Variants in DSCAM observed in about 807,000 individuals in gnomAD.
DSCAM encodes DS cell adhesion molecule.
DSCAM carries 47 observed loss-of-function variants against 217.7 expected under a neutral mutation model. That is an observed-to-expected ratio of 0.22 (90% CI 0.17 to 0.28). The LOEUF (loss-of-function observed/expected upper bound fraction) is 0.28. Ranked by LOEUF, DSCAM falls within the 10% of genes least tolerant of loss-of-function variation. The pLI, the probability that DSCAM is intolerant of heterozygous loss-of-function variation, is 1.00. For synonymous variants in DSCAM, 1,056 were observed against 1,015.3 expected (o/e 1.04, Z -0.76); for missense variants, 2,080 against 2,618.3 (o/e 0.79, Z 4.49).
intron 2 of DSCAM, among the ~76,000 whole-genome samples, chr21:40,706,121 A>C (rs1041024938): frequency 8.6e-5 from 13 of 150,614 alleles, no homozygotes; most frequent in Non-Finnish European, 1.9e-4. Context: ...TGGAGCTTGC[A>C]GTGAGCCGAG....
chr21:40,436,180 A>C (rs890177738), intron 3 of DSCAM, among the ~76,000 whole-genome samples: 5 of 152,242 alleles, frequency 3.3e-5, no homozygotes, highest in African/African-American at 1.2e-4. Flanking sequence ...TGTACTGTGG[A>C]ATATTTTTAA....
chr21:40,704,550 C>A lies in DSCAM; in HGVS notation c.361+3904G>T, dbSNP rs371478350. ...GGTAACATAGTGAGAATACCCTCTACAAAATTTTTTTTTTTAAAGAATTAG... is the reference window on the plus strand; with the variant it reads ...GGTAACATAGTGAGAATACCCTCTAAAAAATTTTTTTTTTTAAAGAATTAG... On this transcript the variant is annotated intron_variant, in intron 2 of 32. Coordinates refer to ENST00000400454, the MANE Select transcript of DSCAM (RefSeq NM_001389.5). Among the ~76,000 whole-genome samples the A allele has an allele frequency of 5.2e-4, 79 of 151,008 alleles. No homozygotes were observed. The East Asian group carries it at 0.01, about 19-fold the overall frequency.
chr21:40,454,911 T>C (rs1235548251), intron 3 of DSCAM, among the ~76,000 whole-genome samples: 2 of 151,998 alleles, frequency 1.3e-5, no homozygotes, highest in Non-Finnish European at 2.9e-5. Context: ...GAGGCAGAGG[T>C]CCTCAGAATC....
chr21:40,639,745 C>A lies in DSCAM; in HGVS notation c.508+53065G>T, dbSNP rs2089854963. Among the ~76,000 whole-genome samples the A allele has an allele frequency of 2.6e-5, 4 of 151,832 alleles. No individual in the cohort carries two copies. In the South Asian group the frequency reaches 8.3e-4, roughly 32 times the overall value. ...CTAGGCTGTGGTTCCAAATTCTAAA[C>A]CCTTAAAGTTACAGCCCCAGGAGAA... On this transcript the variant is annotated intron_variant, in intron 3 of 32. Coordinates refer to ENST00000400454, the MANE Select transcript of DSCAM (RefSeq NM_001389.5).
intron 5 of DSCAM, among the ~76,000 whole-genome samples, chr21:40,351,628 A>G (rs1461373833): frequency 2.6e-5 from 4 of 152,196 alleles, no homozygotes; most frequent in Non-Finnish European, 5.9e-5. Context: ...AGAGATAGGA[A>G]CGAAGAAGCT....
At chr21:40,178,813 T>G in intron 15 of DSCAM, 114 bp downstream of exon 15, 1 of 1,327,468 alleles carries the variant, frequency 7.5e-7, no homozygotes, top group Admixed American at 2.0e-5. Flanking sequence ...AGAGCACGCA[T>G]CAAAGACCTC....
chr21:40,063,442 C>G (rs907997699), intron 27 of DSCAM, among the ~76,000 whole-genome samples: 1 of 151,268 alleles, frequency 6.6e-6, no homozygotes, highest in Non-Finnish European at 1.5e-5. Context: ...TTACCAAGAC[C>G]GGGTTACCAC....
intron 3 of DSCAM, among the ~76,000 whole-genome samples, chr21:40,433,816 G>T (rs1001499702): frequency 2.0e-5 from 3 of 152,152 alleles, no homozygotes; most frequent in Non-Finnish European, 4.4e-5. Flanking sequence ...GTCACCTGAG[G>T]TGATGACATC....
At chr21:40,092,616 G>T (rs1269105193) in intron 21 of DSCAM, among the ~76,000 whole-genome samples, 1 of 152,216 alleles carries the variant, frequency 6.6e-6, no homozygotes, top group African/African-American at 2.4e-5. Flanking sequence ...AGGAAAGGAA[G>T]AAACATTATT....
chr21:40,126,883 G>A (rs1048226836), intron 19 of DSCAM, among the ~76,000 whole-genome samples: 7 of 152,122 alleles, frequency 4.6e-5, no homozygotes, highest in African/African-American at 1.4e-4. Flanking sequence ...TGAAGAACAC[G>A]GCATTTTGGA....
chr21:40,458,907 A>G (rs1023444909), intron 3 of DSCAM, among the ~76,000 whole-genome samples: 3 of 152,114 alleles, frequency 2.0e-5, no homozygotes. Flanking sequence ...AAGGAAACCA[A>G]AACGGTGACT....
intron 3 of DSCAM, among the ~76,000 whole-genome samples, chr21:40,388,355 T>C (rs752480517): frequency 6.6e-6 from 1 of 152,056 alleles, no homozygotes; most frequent in Non-Finnish European, 1.5e-5. Flanking sequence ...TGGAAGACAA[T>C]TGCATTTCAG....
chr21:40,650,604 C>T (rs2090000704), intron 3 of DSCAM, among the ~76,000 whole-genome samples: 1 of 146,742 alleles, frequency 6.8e-6, no homozygotes, highest in South Asian at 2.2e-4. Context: ...TGAGCTGGGA[C>T]ATCTGTCTTC....
intron 1 of DSCAM, among the ~76,000 whole-genome samples, chr21:40,720,995 G>T (rs1159038593): frequency 6.6e-6 from 1 of 152,130 alleles, no homozygotes; most frequent in Non-Finnish European, 1.5e-5. Flanking sequence ...GAAAGAAGTG[G>T]GTGAAAATCT....
At chr21:40,145,860 A>G (rs1601381909) in intron 16 of DSCAM, among the ~76,000 whole-genome samples, 1 of 148,526 alleles carries the variant, frequency 6.7e-6, no homozygotes, top group Non-Finnish European at 1.5e-5. Context: ...GTAAAAAAAG[A>G]TATGCGAATG....
chr21:40,720,074 A>G (rs982659196), intron 1 of DSCAM, among the ~76,000 whole-genome samples: 9 of 152,372 alleles, frequency 5.9e-5, no homozygotes, highest in African/African-American at 1.9e-4. Context: ...AACACTGTCA[A>G]TTGCTTCAGA....
At chr21:40,318,692 G>A (rs1476109902) in intron 8 of DSCAM, among the ~76,000 whole-genome samples, 1 of 152,228 alleles carries the variant, frequency 6.6e-6, no homozygotes, top group Non-Finnish European at 1.5e-5. Flanking sequence ...TTAGCAGGAA[G>A]GGCAGGAGGC....
At chr21:40,318,665 C>T (rs758589628) in intron 8 of DSCAM, among the ~76,000 whole-genome samples, 89 of 152,280 alleles carry the variant, frequency 5.8e-4, no homozygotes, top group Middle Eastern at 3.4e-3. Flanking sequence ...CTGCTGGTCC[C>T]GTGACCTGCA....
At chr21:40,818,042 G>T (rs1182715003) in intron 1 of DSCAM, among the ~76,000 whole-genome samples, 1 of 141,448 alleles carries the variant, frequency 7.1e-6, no homozygotes, top group Non-Finnish European at 1.5e-5. Context: ...CTTGCAGTGA[G>T]CCGAGATTGC....
Sources: gnomAD v4.1 joint callset for allele counts (sites outside exome capture counted in the v4.1 genomes callset) on GRCh38, gnomAD v4.1.1 for gene constraint, MANE v1.5 for transcripts, NCBI Gene and HGNC (gene_info 2026-07-23, HGNC 2026-07-21) for gene names.